Variants in PIEZO2 observed in about 807,000 individuals in gnomAD.
PIEZO2 encodes the protein piezo type mechanosensitive ion channel component 2.
PIEZO2 carries 172 observed loss-of-function variants against 337.3 expected under a neutral mutation model. The observed-to-expected ratio is 0.51, with a 90% CI of 0.45 to 0.58. The LOEUF is 0.58. Among genes scored for constraint, PIEZO2 ranks in the 20% least tolerant of loss-of-function variants. The pLI is 0.00. For synonymous variants in PIEZO2, 1,251 were observed against 1,228.5 expected, an observed-to-expected ratio of 1.02 and a Z score of -0.38; for missense variants, 3,028 against 3,391.3, an observed-to-expected ratio of 0.89 and a Z score of 2.66.
In PIEZO2 at chr18:10,672,793, G is replaced by T. The variant is rs1394420077; in HGVS notation, c.8242C>A (p.Leu2748Met). ...GGATTGTATATTCTGTTTCCAGTCA[G>T]GTTGAGAACCCACCACTCACTGTTA... The part of the protein sequence containing the change: ...KYNSEWWVLN[L>M]TGNRIYNPNS... Residue 2748 changes from leucine (L) to methionine (M), a missense_variant, in exon 55 of 56, where the codon CTG becomes ATG. Leu to Met is a conservative substitution (Grantham distance 15). Coordinates refer to ENST00000674853, the MANE Select transcript of PIEZO2 (RefSeq NM_001378183.1). The surrounding 1 kb of genome is among the most constrained non-coding windows in gnomAD (Gnocchi z 4.7). 1.2e-6 allele frequency: 2 copies of T among 1,613,734 alleles called. No homozygotes were observed. Among genetic ancestry groups the T allele is most frequent in the Non-Finnish European group, 1.7e-6 (2 of 1,179,656 alleles).
At chr18:10,696,651 G>C in intron 45 of PIEZO2, 112 bp from the exon 46 acceptor site, 1 of 1,239,544 alleles carries the variant, frequency 8.1e-7, no homozygotes, top group Non-Finnish European at 1.1e-6. Context: ...TTTCCAGTCA[G>C]GTCCCACCTT....
rs1424185440 is a variant in PIEZO2, at chr18:11,110,214, TC to T, written c.64+38310del. Among the ~76,000 whole-genome samples, 2 of 152,176 alleles carry T rather than the reference TC, an allele frequency of 1.3e-5. No homozygotes were observed. The highest frequency in any genetic ancestry group is 4.8e-5 in the African/African-American group (2 of 41,432). Reference sequence around the variant, plus strand: ...ATCATAGCTCACTGCATCCTGGAATTCCTGGCCATCCTTCCACCTCAGCGTC... The same window carrying T: ...ATCATAGCTCACTGCATCCTGGAATTCTGGCCATCCTTCCACCTCAGCGTC... On this transcript the variant is annotated intron_variant, in intron 1 of 55. Transcript: ENST00000674853. This position sits in a 1 kb window ranked among gnomAD's most constrained non-coding sequence, Gnocchi z 4.2.
At chr18:10,808,891 CCTT>C (rs759326523) in intron 7 of PIEZO2, among the ~76,000 whole-genome samples, 1 of 152,222 alleles carries the variant, frequency 6.6e-6, no homozygotes, top group Admixed American at 6.5e-5. Context: ...GCCGCTGAGT[CCTT>C]CTCCTTGCTC....
At chr18:11,020,757 C>T (rs1462900775) in intron 2 of PIEZO2, among the ~76,000 whole-genome samples, 1 of 152,208 alleles carries the variant, frequency 6.6e-6, no homozygotes, top group East Asian at 1.9e-4. Context: ...GCTGGTCTCA[C>T]TAAGCTAATC....
chr18:11,061,918 C>G (rs2145900097), intron 2 of PIEZO2, among the ~76,000 whole-genome samples: 1 of 152,280 alleles, frequency 6.6e-6, no homozygotes, highest in Admixed American at 6.5e-5. Flanking sequence ...CTTTAAAGTT[C>G]ATATGGAACC....
chr18:10,848,019 A>G (rs1307476825), intron 7 of PIEZO2, among the ~76,000 whole-genome samples: 2 of 152,206 alleles, frequency 1.3e-5, no homozygotes, highest in Non-Finnish European at 2.9e-5. Flanking sequence ...ATTAAACACA[A>G]TTTAGTCTTT....
In PIEZO2 at chr18:11,126,985, A is replaced by T. The variant is rs1231156113; in HGVS notation, c.64+21540T>A. ...CTTACTACAGGCCAGGCCCTACCCA[A>T]GACACTGTGGGTACAGCAGGGAATA... On this transcript the variant is annotated intron_variant, in intron 1 of 55. Coordinates refer to ENST00000674853, the MANE Select transcript of PIEZO2 (RefSeq NM_001378183.1). This position sits in a 1 kb window ranked among gnomAD's most constrained non-coding sequence, Gnocchi z 4.6. 6.6e-6 allele frequency among the ~76,000 whole-genome samples: 1 copy of T among 152,212 alleles called. No individual in the cohort carries two copies. Among genetic ancestry groups the T allele is most frequent in the Non-Finnish European group, 1.5e-5 (1 of 68,036 alleles).
intron 1 of PIEZO2, among the ~76,000 whole-genome samples, chr18:11,135,972 G>C (rs914893789): frequency 3.3e-5 from 5 of 152,166 alleles, no homozygotes; most frequent in African/African-American, 1.2e-4. Flanking sequence ...GATAATATCT[G>C]ACATTTGTTT....
chr18:10,803,298 A>T (rs1253656495), intron 9 of PIEZO2, among the ~76,000 whole-genome samples: 1 of 152,166 alleles, frequency 6.6e-6, no homozygotes, highest in African/African-American at 2.4e-5. Context: ...TGTCAATATC[A>T]CCTCATCTCA....
In PIEZO2 at chr18:10,718,285, A is replaced by G. The variant is rs1333176713; in HGVS notation, c.5030-26T>C. 3 of 1,517,240 alleles carry G rather than the reference A, an allele frequency of 2.0e-6. No individual in the cohort carries two copies. The Admixed American group carries it at 5.9e-5, about 30-fold the overall frequency. The allele number at this position is 1,517,240 out of a possible 1,614,324, so 94.0% of individuals were successfully genotyped here. A position where few individuals can be genotyped will look rare whatever the true frequency, so the allele number is the denominator to read the frequency against. On this transcript the variant is annotated intron_variant, in intron 36 of 55. Coordinates refer to ENST00000674853, the MANE Select transcript of PIEZO2 (RefSeq NM_001378183.1). ...CTGCCAAGTGTGTTCAATAAAGATGAGTTAAATTCCATCTAGGGTAAATTA... is the reference window on the plus strand; with the variant it reads ...CTGCCAAGTGTGTTCAATAAAGATGGGTTAAATTCCATCTAGGGTAAATTA...
At chr18:10,935,783 C>T (rs1217268245) in intron 3 of PIEZO2, among the ~76,000 whole-genome samples, 2 of 152,190 alleles carry the variant, frequency 1.3e-5, no homozygotes, top group Non-Finnish European at 2.9e-5. Flanking sequence ...TCATCTGCAG[C>T]ATGACCACGG....
rs1380916960 is a variant in PIEZO2, at chr18:10,740,165, G to A, written c.4708+866C>T. ...ATTCTATGAAATTTAAAGAGGACTG[G>A]ATTGGAATGGGGCATTCCACTATAA... is the stretch of plus-strand genomic sequence containing the variant. On this transcript the variant is annotated intron_variant, in intron 33 of 55. Coordinates refer to ENST00000674853, the MANE Select transcript of PIEZO2 (RefSeq NM_001378183.1). 2.6e-5 allele frequency: 4 copies of A among 152,290 alleles called. No homozygotes were observed. In the East Asian group the frequency reaches 7.7e-4, roughly 29 times the overall value. The allele number at this position is 152,290 out of a possible 1,614,324, so 9.4% of individuals were successfully genotyped here.
In PIEZO2 at chr18:11,123,785, G is replaced by C. The variant is rs557526097; in HGVS notation, c.64+24740C>G. Among the ~76,000 whole-genome samples the C allele has an allele frequency of 1.1e-4, 17 of 151,370 alleles. No individual in the cohort carries two copies. The East Asian group carries it at 2.7e-3, about 24-fold the overall frequency. On this transcript the variant is annotated intron_variant, in intron 1 of 55. Coordinates refer to ENST00000674853, the MANE Select transcript of PIEZO2 (RefSeq NM_001378183.1). ...AGATCGCACCATTGCACTGCAACCTGGGCGAGAGAGGGAGACTCCGTCTCA... is the reference window on the plus strand; with the variant it reads ...AGATCGCACCATTGCACTGCAACCTCGGCGAGAGAGGGAGACTCCGTCTCA...
Position 10,713,667 on chromosome 18 carries a change from C to T in PIEZO2, c.5423+1097G>A, listed in dbSNP as rs184732051. Among the ~76,000 whole-genome samples the T allele has an allele frequency of 5.9e-5, 9 of 152,262 alleles. No individual in the cohort carries two copies. The highest frequency in any genetic ancestry group is 2.2e-4 in the African/African-American group (9 of 41,562). ...GGCTCAAACCATTTAGGGGATTACT[C>T]TTATCTTTATATGCCTCTCCCAGAA... On this transcript the variant is annotated intron_variant, in intron 39 of 55. Coordinates refer to ENST00000674853, the MANE Select transcript of PIEZO2 (RefSeq NM_001378183.1). This position sits in a 1 kb window ranked among gnomAD's most constrained non-coding sequence, Gnocchi z 4.5.
chr18:10,744,060 G>T, intron 31 of PIEZO2, 82 bp downstream of exon 31: 6 of 976,548 alleles, frequency 6.1e-6, no homozygotes, highest in Non-Finnish European at 9.1e-6. Context: ...GGGGTTTGAG[G>T]CTCCCCAACA....
rs1405247900 is a variant in PIEZO2, at chr18:10,781,698, A to G, written c.2493-1332T>C. 1.1e-4 allele frequency among the ~76,000 whole-genome samples: 17 copies of G among 152,220 alleles called. No homozygotes were observed. Among genetic ancestry groups the G allele is most frequent in the Non-Finnish European group, 2.9e-5 (2 of 68,040 alleles). On this transcript the variant is annotated intron_variant, in intron 17 of 55. Coordinates refer to ENST00000674853, the MANE Select transcript of PIEZO2 (RefSeq NM_001378183.1). This position sits in a 1 kb window ranked among gnomAD's most constrained non-coding sequence, Gnocchi z 4.1. ...CTTTGTAAATTCTGTAAGTCTAAAC[A>G]TAATAAATTCTGCTTCATACACAAG...
rs1328428242 is a variant in PIEZO2, at chr18:10,787,072, C to G, written c.2282G>C (p.Gly761Ala). ...CAGTCCAGTCATATTTTGCCACAGG[C>G]CTGGGAAGTTCTCAAACTGATATGT... ...IYTYQFENFP[G>A]LWQNMTGLKK... is the part of the protein sequence containing the mutation. The change falls in exon 16 of 56, where the codon GGC becomes GCC. Residue 761 changes from glycine to alanine, a missense_variant. Gly to Ala is a moderately conservative substitution (Grantham distance 60). Around this residue, in one of 5 missense-constraint regions of PIEZO2, gnomAD observed 1,925 missense variants for 2,051.9 expected, o/e 0.94. Coordinates refer to ENST00000674853, the MANE Select transcript of PIEZO2 (RefSeq NM_001378183.1). 2 of 1,535,384 alleles carry G rather than the reference C, an allele frequency of 1.3e-6. No individual in the cohort carries two copies. Among genetic ancestry groups the G allele is most frequent in the Non-Finnish European group, 1.7e-6 (2 of 1,145,838 alleles).
At chr18:10,679,298 C>T (rs192190504) in intron 52 of PIEZO2, among the ~76,000 whole-genome samples, 1 of 152,278 alleles carries the variant, frequency 6.6e-6, no homozygotes, top group East Asian at 1.9e-4. Flanking sequence ...TTCCCCCAGA[C>T]TGTTTCATTT....
intron 17 of PIEZO2, among the ~76,000 whole-genome samples, chr18:10,780,968 G>A (rs1231661616): frequency 6.6e-6 from 1 of 150,506 alleles, no homozygotes; most frequent in Non-Finnish European, 1.5e-5. Flanking sequence ...TGGCCTCAAG[G>A]TACATTTTAT....
Sources: gnomAD v4.1 joint callset for allele counts (sites outside exome capture counted in the v4.1 genomes callset) on GRCh38, gnomAD v4.1.1 for gene constraint, gnomAD v4.1.1 regional missense constraint, Gnocchi (gnomAD v3.1) non-coding constraint, MANE v1.5 for transcripts, NCBI Gene and HGNC (gene_info 2026-07-23, HGNC 2026-07-21) for gene names.